Variants in FRS2 observed in about 807,000 individuals in gnomAD.
FRS2 encodes fibroblast growth factor receptor substrate 2, also known as FGFR signalling adaptor.
In FRS2, 8 loss-of-function variants were observed where a neutral mutation model predicts 43.9. The ratio of observed to expected loss-of-function variants is 0.18; its 90% CI spans 0.11 to 0.33. FRS2 has a LOEUF of 0.33. FRS2 is among the 10% of genes least tolerant of loss of function. The probability of loss-of-function intolerance (pLI) is 1.00; values close to 1 mark genes in which losing one functional copy is unlikely to be tolerated. For missense variants in FRS2, 534 were observed against 627.6 expected (o/e 0.85, Z 1.59); for synonymous variants, 219 against 220.3 (o/e 0.99, Z 0.05).
At chr12:69,547,772 T>A (rs1878534164) in intron 3 of FRS2, among the ~76,000 whole-genome samples, 1 of 151,996 alleles carries the variant, frequency 6.6e-6, no homozygotes, top group Admixed American at 6.6e-5. Flanking sequence ...TATGTTTGTT[T>A]TACTGTTTTT....
At chr12:69,552,259 GC>G (rs1878942196) in intron 3 of FRS2, among the ~76,000 whole-genome samples, 1 of 120,460 alleles carries the variant, frequency 8.3e-6, no homozygotes, top group African/African-American at 3.2e-5. Context: ...CCAAGATCAT[GC>G]CATTGCATTC....
chr12:69,527,342 G>GTTTT (rs1294936661), intron 1 of FRS2, among the ~76,000 whole-genome samples: 2 of 33,152 alleles, frequency 6.0e-5, no homozygotes, highest in Middle Eastern at 0.021. Flanking sequence ...TTTTTTTAAT[G>GTTTT]ATTTTTTTTT....
In FRS2 at chr12:69,570,316, A is replaced by G. The variant is rs1163438064; in HGVS notation, c.67-15A>G. On this transcript the variant is annotated splice_polypyrimidine_tract_variant and intron_variant, in intron 5 of 8. Transcript: ENST00000549921. ...TTGGTGACATATTTGCATGACTGTCACCTTCTTTTTTTAGGTCATTAATGT... is the reference window on the plus strand; with the variant it reads ...TTGGTGACATATTTGCATGACTGTCGCCTTCTTTTTTTAGGTCATTAATGT... 6.3e-7 allele frequency: 1 copy of G among 1,598,732 alleles called. No individual in the cohort carries two copies. The highest frequency in any genetic ancestry group is 2.2e-5 in the East Asian group (1 of 44,734).
intron 3 of FRS2, among the ~76,000 whole-genome samples, chr12:69,551,352 C>G (rs1277898958): frequency 7.2e-6 from 1 of 139,032 alleles, no homozygotes; most frequent in Non-Finnish European, 1.5e-5. Context: ...GACCCTGTCT[C>G]AAAACAAACA....
intron 3 of FRS2, among the ~76,000 whole-genome samples, chr12:69,557,623 C>CGT (rs1565773167): frequency 7.0e-5 from 7 of 99,382 alleles, no homozygotes; most frequent in African/African-American, 3.8e-4. Context: ...TGTGTGTGCG[C>CGT]GCGCGCGCGC....
intron 3 of FRS2, among the ~76,000 whole-genome samples, chr12:69,541,254 C>T (rs1439955182): frequency 6.6e-6 from 1 of 151,944 alleles, no homozygotes; most frequent in Admixed American, 6.6e-5. Context: ...ACAAACAGGC[C>T]CAACATTTAT....
rs1420684990 is a variant in FRS2 at position 69,574,644 on chromosome 12, A to C, written c.1216A>C (p.Lys406Gln). 1.9e-6 allele frequency: 3 copies of C among 1,614,082 alleles called. No homozygotes were observed. The highest frequency in any genetic ancestry group is 2.2e-5 in the South Asian group (2 of 91,090). Residue 406 changes from lysine (K) to glutamine (Q), a missense_variant, in exon 9 of 9, where the codon AAA (lysine) becomes CAA (glutamine). Lys to Gln is a moderately conservative substitution (Grantham distance 53, BLOSUM62 1). This residue lies in a region of FRS2 where 446 missense variants were observed against 494.2 expected (regional missense o/e 0.90). Transcript: ENST00000549921. ...TGTAACAGTGCCAGCAAGTGCTCACAAAATAGAATATTCAAGGCGTCGGGA... is the reference window on the plus strand; with the variant it reads ...TGTAACAGTGCCAGCAAGTGCTCACCAAATAGAATATTCAAGGCGTCGGGA... The part of the protein sequence containing the change: ...ENVTVPASAH[K>Q]IEYSRRRDCT...
At chr12:69,521,599 G>A (rs1005853959) in intron 1 of FRS2, among the ~76,000 whole-genome samples, 1 of 151,810 alleles carries the variant, frequency 6.6e-6, no homozygotes, top group African/African-American at 2.4e-5. Context: ...TTTGTTGAGA[G>A]TTTTGTTTTT....
intron 1 of FRS2, among the ~76,000 whole-genome samples, chr12:69,481,113 C>T (rs1871313036): frequency 6.6e-6 from 1 of 152,112 alleles, no homozygotes; most frequent in Non-Finnish European, 1.5e-5. Context: ...TCCATAGTCA[C>T]TAATTTTTAA....
intron 1 of FRS2, among the ~76,000 whole-genome samples, chr12:69,522,396 G>A (rs1289851093): frequency 6.6e-6 from 1 of 152,082 alleles, no homozygotes; most frequent in Non-Finnish European, 1.5e-5. Flanking sequence ...GCATAGAGGT[G>A]TTCGTAGTAG....
At chr12:69,530,135 T>C (rs537385677) in intron 1 of FRS2, among the ~76,000 whole-genome samples, 5 of 152,264 alleles carry the variant, frequency 3.3e-5, no homozygotes, top group African/African-American at 7.2e-5. Context: ...AGGGGGAAAG[T>C]TGACAATAAC....
Position 69,517,705 on chromosome 12 carries a change from C to G in FRS2, c.-260-13160C>G, listed in dbSNP as rs183640667. On this transcript the variant is annotated intron_variant, in intron 1 of 8. Transcript: ENST00000549921. ...TATTTAAACTCTTCAGCATTGCTGT[C>G]GGTTCTGATTCATATTTAATACATG... 2.0e-4 allele frequency among the ~76,000 whole-genome samples: 31 copies of G among 152,148 alleles called. 1 individual carries two copies. The East Asian group carries it at 5.8e-3, about 28-fold the overall frequency.
chr12:69,502,746 G>A (rs1347000084), intron 1 of FRS2, among the ~76,000 whole-genome samples: 1 of 152,126 alleles, frequency 6.6e-6, no homozygotes, highest in East Asian at 1.9e-4. Context: ...AATGCAGTGT[G>A]GTTTCAAAGC....
intron 3 of FRS2, among the ~76,000 whole-genome samples, chr12:69,558,570 T>G (rs1447805114): frequency 6.6e-6 from 1 of 152,202 alleles, no homozygotes; most frequent in African/African-American, 2.4e-5. Flanking sequence ...TTGCATGCTT[T>G]CTTCTTAATC....
At chr12:69,542,130 T>G (rs1001230824) in intron 3 of FRS2, among the ~76,000 whole-genome samples, 29 of 152,308 alleles carry the variant, frequency 1.9e-4, no homozygotes, top group African/African-American at 6.5e-4. Flanking sequence ...CGGGGGGTTA[T>G]GTTCTGAATA....
chr12:69,471,481 A>G (rs1870289521), intron 1 of FRS2, among the ~76,000 whole-genome samples: 1 of 152,216 alleles, frequency 6.6e-6, no homozygotes, highest in Non-Finnish European at 1.5e-5. Flanking sequence ...GAGATTCCTT[A>G]CACTGTTAAA....
chr12:69,558,469 T>C (rs1351615175), intron 3 of FRS2, among the ~76,000 whole-genome samples: 1 of 152,178 alleles, frequency 6.6e-6, no homozygotes, highest in Admixed American at 6.5e-5. Context: ...ACCTATCTCC[T>C]AATATTTTCC....
chr12:69,565,357 G>T (rs1010504271), intron 4 of FRS2, among the ~76,000 whole-genome samples: 2 of 152,146 alleles, frequency 1.3e-5, no homozygotes, highest in Non-Finnish European at 2.9e-5. Flanking sequence ...GAATGTTATC[G>T]TACACTACTG....
At chr12:69,567,357 A>G (rs1026185097) in intron 4 of FRS2, among the ~76,000 whole-genome samples, 11 of 152,148 alleles carry the variant, frequency 7.2e-5, no homozygotes, top group Non-Finnish European at 1.5e-4. Context: ...ACGCTAGTAC[A>G]CTTTTTCATT....
Sources: gnomAD v4.1 joint callset for allele counts (sites outside exome capture counted in the v4.1 genomes callset) on GRCh38, gnomAD v4.1.1 for gene constraint, gnomAD v4.1.1 regional missense constraint, MANE v1.5 for transcripts, NCBI Gene and HGNC (gene_info 2026-07-23, HGNC 2026-07-21) for gene names.